Variants in CCDC57 observed in about 807,000 individuals in gnomAD.
CCDC57 encodes coiled-coil domain containing 57, also known as coiled-coil domain-containing protein 57.
In CCDC57, 118 loss-of-function variants were observed where a neutral mutation model predicts 118.9. The ratio of observed to expected loss-of-function variants is 0.99; its 90% CI spans 0.86 to 1.16. CCDC57 has a LOEUF of 1.16. Ranked by LOEUF, CCDC57 falls within the 50% of genes most tolerant of loss-of-function variation. CCDC57 has a pLI of 0.00. For synonymous variants in CCDC57, 527 were observed against 532.9 expected (o/e 0.99, Z 0.15); for missense variants, 1,300 against 1,320.7 (o/e 0.98, Z 0.24).
At chr17:82,115,595 AC>A (rs2035782963) in intron 19 of CCDC57, among the ~76,000 whole-genome samples, 1 of 151,614 alleles carries the variant, frequency 6.6e-6, no homozygotes, top group Admixed American at 6.6e-5. Flanking sequence ...ACATAGTAAG[AC>A]CCTGTCTGTA....
chr17:82,196,875 C>T (rs1377861221), intron 4 of CCDC57, among the ~76,000 whole-genome samples: 1 of 143,450 alleles, frequency 7.0e-6, no homozygotes, highest in Admixed American at 6.9e-5. Context: ...AGACGCAGCC[C>T]CTCATGACTC....
chr17:82,103,995 C>G (rs1173543718), intron 19 of CCDC57, among the ~76,000 whole-genome samples: 1 of 152,210 alleles, frequency 6.6e-6, no homozygotes, highest in Non-Finnish European at 1.5e-5. Context: ...AGCCCAGGAC[C>G]CCAGGGCAGC....
chr17:82,129,428 C>T (rs2037980626), intron 17 of CCDC57, among the ~76,000 whole-genome samples: 1 of 152,224 alleles, frequency 6.6e-6, no homozygotes, highest in East Asian at 1.9e-4. Context: ...AGATGGCCTG[C>T]AAGGAGGCTG....
exon 5 of CCDC57, chr17:82,195,281 G>A (rs2048163380): frequency 6.3e-7 from 1 of 1,597,818 alleles, no homozygotes; most frequent in Non-Finnish European, 8.5e-7. Flanking sequence ...CCCGGGACAA[G>A]GCTGTGTTGC....
intron 11 of CCDC57, among the ~76,000 whole-genome samples, chr17:82,177,386 A>G (rs945783056): frequency 6.6e-6 from 1 of 151,728 alleles, no homozygotes; most frequent in Non-Finnish European, 1.5e-5. Flanking sequence ...AAAAAAAACA[A>G]CTCCAAAAAT....
intron 17 of CCDC57, among the ~76,000 whole-genome samples, chr17:82,132,687 G>A (rs1568203428): frequency 6.6e-6 from 1 of 151,498 alleles, no homozygotes; most frequent in African/African-American, 2.4e-5. Flanking sequence ...CCTGAGTCTG[G>A]GATTACAAGG....
chr17:82,145,026 C>T (rs149245883), intron 16 of CCDC57, among the ~76,000 whole-genome samples: 115 of 120,200 alleles, frequency 9.6e-4, no homozygotes, highest in East Asian at 1.1e-3. Flanking sequence ...TTTTTTTTTT[C>T]TTTTTTTTTT....
chr17:82,127,741 G>T, exon 19 of CCDC57: 1 of 1,611,646 alleles, frequency 6.2e-7, no homozygotes, highest in Non-Finnish European at 8.5e-7. Flanking sequence ...TGGATCCCAG[G>T]TCTAGCAACC....
Position 82,136,618 on chromosome 17 carries a change from GAC to G in CCDC57, c.2456-2426_2456-2425del, listed in dbSNP as rs1176837171. 2.7e-5 allele frequency among the ~76,000 whole-genome samples: 4 copies of G among 148,382 alleles called. No individual in the cohort carries two copies. In the East Asian group the frequency reaches 7.8e-4, roughly 29 times the overall value. ...AAAAAAAGAAAACTAGTTTTTTTGA[GAC>G]AGAGTCTTGCTCTGTCACCCAGGCT... On this transcript the variant is annotated intron_variant, in intron 16 of 19. Transcript: ENST00000665763.
At chr17:82,144,217 G>A (rs1380735987) in intron 16 of CCDC57, among the ~76,000 whole-genome samples, 2 of 152,060 alleles carry the variant, frequency 1.3e-5, no homozygotes, top group African/African-American at 2.4e-5. Context: ...GGCTAAGGCA[G>A]GAAGATTGCT....
At chr17:82,163,252 A>T in exon 14 of CCDC57, 2 of 1,613,992 alleles carry the variant, frequency 1.2e-6, no homozygotes. Flanking sequence ...TCTGTCCCCG[A>T]GCTTCCTGAG....
At chr17:82,121,053 C>T (rs56232956) in intron 19 of CCDC57, among the ~76,000 whole-genome samples, 80,913 of 151,524 alleles carry the variant, frequency 0.53, 22,394 homozygotes, top group Non-Finnish European at 0.58. Context: ...CCGCGCCCGG[C>T]CTCTTGCTTG....
At chr17:82,112,970 G>T in intron 19 of CCDC57, 1 of 185,664 alleles carries the variant, frequency 5.4e-6, no homozygotes, top group Non-Finnish European at 1.1e-5. Context: ...AGAAGCAGAA[G>T]TGAGTGCCAG....
In CCDC57 at chr17:82,101,711, TG is replaced by T; in HGVS notation, c.3054del (p.Lys1019ArgfsTer?). ...TCCATAATGTTGTAGTTACGGATCT[TG>T]GGGGGCCTCTGGCAGCCTTTAGCTT... On this transcript the variant is annotated frameshift_variant, in exon 20 of 20. Coordinates refer to ENST00000665763, the Ensembl canonical transcript of CCDC57. LOFTEE classifies it high-confidence loss of function. 1 of 1,607,652 alleles carries T rather than the reference TG, an allele frequency of 6.2e-7. No homozygotes were observed. The highest frequency in any genetic ancestry group is 8.5e-7 in the Non-Finnish European group (1 of 1,177,824).
chr17:82,162,363 G>C (rs151119352), intron 14 of CCDC57, among the ~76,000 whole-genome samples: 1 of 152,180 alleles, frequency 6.6e-6, no homozygotes, highest in Non-Finnish European at 1.5e-5. Context: ...CAGTCAAACC[G>C]AGGTAGTGAC....
chr17:82,170,052 A>G, intron 13 of CCDC57, among the ~76,000 whole-genome samples: 1 of 152,190 alleles, frequency 6.6e-6, no homozygotes, highest in Non-Finnish European at 1.5e-5. Context: ...GCTCCAAAAG[A>G]GGGGCTGTCG....
intron 11 of CCDC57, among the ~76,000 whole-genome samples, chr17:82,176,105 A>G (rs2045437311): frequency 6.6e-6 from 1 of 152,084 alleles, no homozygotes; most frequent in African/African-American, 2.4e-5. Context: ...AAAACCCCTC[A>G]TGACCTTTGG....
At chr17:82,126,454 AG>A in intron 19 of CCDC57, 2 of 976,438 alleles carry the variant, frequency 2.0e-6, no homozygotes, top group Non-Finnish European at 2.4e-6. Context: ...ACATATAATG[AG>A]CTGCTACAAA....
rs765506600 is a variant in CCDC57 at position 82,128,922 on chromosome 17, G to GT, written c.2578-326dup. Reference sequence around the variant, plus strand: ...ACCACCTGGCCGATCCTGCTTTTTTGTTTTTTTTTTTTTTGAGACGGAGTC... The same window carrying GT: ...ACCACCTGGCCGATCCTGCTTTTTTGTTTTTTTTTTTTTTTGAGACGGAGTC... On this transcript the variant is annotated intron_variant, in intron 17 of 19. Transcript: ENST00000665763. Among the ~76,000 whole-genome samples, 1,163 of 147,644 alleles carry GT rather than the reference G, an allele frequency of 7.9e-3. 6 individuals carry two copies. Among genetic ancestry groups the GT allele is most frequent in the Non-Finnish European group, 0.011 (726 of 66,562 alleles).
Sources: allele counts gnomAD v4.1 joint callset (sites outside exome capture counted in the v4.1 genomes callset), GRCh38; gene constraint gnomAD v4.1.1; transcripts MANE v1.5; gene names NCBI Gene and HGNC (gene_info 2026-07-23, HGNC 2026-07-21).